The following TEAD1 variants were observed in gnomAD, a reference collection of about 807,000 sequenced individuals.
TEAD1 encodes the protein TEA domain transcription factor 1, also known as transcriptional enhancer factor TEF-1.
Under a neutral mutation model 54.9 loss-of-function variants are expected in TEAD1, and 9 were observed. The ratio of observed to expected loss-of-function variants is 0.16; its 90% CI spans 0.10 to 0.29. The LOEUF (loss-of-function observed/expected upper bound fraction) is 0.29. TEAD1 is among the 10% of genes least tolerant of loss of function. The pLI is 1.00. For missense variants in TEAD1, 387 were observed against 535.9 expected (o/e 0.72, Z 2.74); for synonymous variants, 200 against 187.8 (o/e 1.07, Z -0.53).
intron 6 of TEAD1, 122 bp from the exon 7 acceptor site, chr11:12,880,883 A>G: frequency 8.8e-7 from 1 of 1,133,030 alleles, no homozygotes; most frequent in Non-Finnish European, 1.3e-6. Context: ...GCACTCTGGG[A>G]AAGCGATTCT....
intron 2 of TEAD1, among the ~76,000 whole-genome samples, chr11:12,706,914 C>T (rs1288994986): frequency 6.6e-6 from 1 of 151,990 alleles, no homozygotes; most frequent in Non-Finnish European, 1.5e-5. Flanking sequence ...AAGAGAAAAC[C>T]AAGCTGAGAA....
rs1262051956 is a variant in TEAD1, at chr11:12,733,309, G to T, written c.-54-30870G>T. On this transcript the variant is annotated intron_variant, in intron 2 of 12. Transcript: ENST00000527636. ...TCCTAACCTCAGAAGTTCAAGAGCA[G>T]GAGCCTGAGTGTTTTAGGTCCCTGG... Among the ~76,000 whole-genome samples, 3 of 152,192 alleles carry T rather than the reference G, an allele frequency of 2.0e-5. No homozygotes were observed. The East Asian group carries it at 5.8e-4, about 29-fold the overall frequency.
chr11:12,790,398 A>G (rs1180965657), intron 3 of TEAD1, among the ~76,000 whole-genome samples: 1 of 152,196 alleles, frequency 6.6e-6, no homozygotes, highest in Non-Finnish European at 1.5e-5. Flanking sequence ...GGTGATTAAC[A>G]TGTCATCTTT....
At chr11:12,792,506 G>A (rs550920404) in intron 3 of TEAD1, among the ~76,000 whole-genome samples, 35 of 152,142 alleles carry the variant, frequency 2.3e-4, no homozygotes, top group African/African-American at 8.4e-4. Flanking sequence ...TATGCTAACC[G>A]CTGACACTTA....
chr11:12,705,934 C>T (rs1943805094), intron 2 of TEAD1, among the ~76,000 whole-genome samples: 1 of 152,106 alleles, frequency 6.6e-6, no homozygotes, highest in African/African-American at 2.4e-5. Flanking sequence ...CTAAACCTTT[C>T]AAATATAGTG....
rs377510003 is a variant in TEAD1, at chr11:12,862,336, T to C, written c.267+22T>C. Reference sequence around the variant, plus strand: ...ACAGGTAAAATAACCCACCTGGAAATTGTGCATGTCAGCGAATGGCCCAAA... The same window carrying C: ...ACAGGTAAAATAACCCACCTGGAAACTGTGCATGTCAGCGAATGGCCCAAA... On this transcript the variant is annotated intron_variant, in intron 4 of 12. Coordinates refer to ENST00000527636, the MANE Select transcript of TEAD1 (RefSeq NM_021961.6). 1.5e-4 allele frequency: 241 copies of C among 1,612,338 alleles called. 2 individuals carry two copies. The African/African-American group carries it at 2.8e-3, about 19-fold the overall frequency.
At chr11:12,880,905 G>A (rs1564975028) in intron 6 of TEAD1, 100 bp from the exon 7 acceptor site, 8 of 1,335,794 alleles carry the variant, frequency 6.0e-6, no homozygotes, top group Middle Eastern at 1.8e-4. Flanking sequence ...TTGGGTGATC[G>A]AACCTGCTGT....
At chr11:12,705,952 C>T (rs1450571945) in intron 2 of TEAD1, among the ~76,000 whole-genome samples, 4 of 151,944 alleles carry the variant, frequency 2.6e-5, no homozygotes, top group African/African-American at 9.7e-5. Context: ...GTGTGATTAC[C>T]CTCGTTTGTG....
chr11:12,740,733 G>A (rs953560630), intron 2 of TEAD1, among the ~76,000 whole-genome samples: 2 of 152,046 alleles, frequency 1.3e-5, no homozygotes, highest in East Asian at 1.9e-4. Flanking sequence ...CCCCTGCCCC[G>A]TGATTCAGTT....
chr11:12,736,995 T>A (rs1944547188), intron 2 of TEAD1, among the ~76,000 whole-genome samples: 1 of 152,332 alleles, frequency 6.6e-6, no homozygotes, highest in Admixed American at 6.5e-5. Context: ...TTTATGGGAC[T>A]TGAAGAAAAA....
intron 2 of TEAD1, among the ~76,000 whole-genome samples, chr11:12,731,707 A>G (rs1944429115): frequency 6.6e-6 from 1 of 152,218 alleles, no homozygotes; most frequent in African/African-American, 2.4e-5. Context: ...TACCTAGACT[A>G]TAAGTCGAGG....
chr11:12,747,146 A>G (rs992377413), intron 2 of TEAD1, among the ~76,000 whole-genome samples: 4 of 152,162 alleles, frequency 2.6e-5, no homozygotes, highest in Non-Finnish European at 4.4e-5. Context: ...CTTAAGAATC[A>G]TCAAAATTGT....
chr11:12,708,601 T>G (rs1943868776), intron 2 of TEAD1, among the ~76,000 whole-genome samples: 1 of 152,078 alleles, frequency 6.6e-6, no homozygotes, highest in African/African-American at 2.4e-5. Context: ...TGACTGGACA[T>G]TTTCACTTCA....
At position 12,862,125 on chromosome 11, in the gene TEAD1, G is replaced by C. The variant is rs191347392; in HGVS notation, c.203-125G>C. The C allele has an allele frequency of 2.5e-5, 18 of 725,856 alleles. No homozygotes were observed. In the African/African-American group the frequency reaches 3.0e-4, roughly 12 times the overall value. 45.0% of individuals were successfully genotyped at this position (725,856 alleles called of 1,614,324 possible). On this transcript the variant is annotated intron_variant, in intron 3 of 12. Coordinates refer to ENST00000527636, the MANE Select transcript of TEAD1 (RefSeq NM_021961.6). Reference sequence around the variant, plus strand: ...ACAATTGTGCTGTTTTATTTTTCTAGTATTAGTAAACACATAGTTGTAATT... The same window carrying C: ...ACAATTGTGCTGTTTTATTTTTCTACTATTAGTAAACACATAGTTGTAATT...
Position 12,724,531 on chromosome 11 carries a change from A to T in TEAD1, c.-54-39648A>T, listed in dbSNP as rs141107118. On this transcript the variant is annotated intron_variant, in intron 2 of 12. Transcript: ENST00000527636. ...GGCAAATTGACAAGGAGTGCTGATG[A>T]CTCATCCTCTGAATGCGAGTGCTTT... is the stretch of plus-strand genomic sequence containing the variant. 1.1e-4 allele frequency among the ~76,000 whole-genome samples: 17 copies of T among 152,292 alleles called. 1 individual carries two copies. In the East Asian group the frequency reaches 3.3e-3, roughly 29 times the overall value.
At chr11:12,824,685 G>T (rs554188913) in intron 3 of TEAD1, among the ~76,000 whole-genome samples, 47 of 152,302 alleles carry the variant, frequency 3.1e-4, no homozygotes, top group Non-Finnish European at 6.0e-4. Flanking sequence ...GGTGATGGGG[G>T]TGAGGGTTGG....
intron 3 of TEAD1, among the ~76,000 whole-genome samples, chr11:12,835,885 TAGG>T (rs1478139077): frequency 6.6e-6 from 1 of 152,072 alleles, no homozygotes; most frequent in Non-Finnish European, 1.5e-5. Context: ...AAGTTTCAGT[TAGG>T]AGGAATAAGT....
At chr11:12,679,823 G>A (rs1564904477) in intron 2 of TEAD1, among the ~76,000 whole-genome samples, 1 of 152,062 alleles carries the variant, frequency 6.6e-6, no homozygotes, top group Non-Finnish European at 1.5e-5. Context: ...TTAGGTGTGA[G>A]TAAATCTAGG....
At chr11:12,788,400 A>G (rs7117928) in intron 3 of TEAD1, among the ~76,000 whole-genome samples, 60,220 of 151,718 alleles carry the variant, frequency 0.4, 12,169 homozygotes, top group South Asian at 0.61. Context: ...CCAAAGTGCT[A>G]GGATTACAGG....
Sources: gnomAD v4.1 joint callset for allele counts (sites outside exome capture counted in the v4.1 genomes callset) on GRCh38, gnomAD v4.1.1 for gene constraint, MANE v1.5 for transcripts, NCBI Gene and HGNC (gene_info 2026-07-23, HGNC 2026-07-21) for gene names.